PIK3C2A: variants seen among roughly 807,000 people sequenced by gnomAD.
PIK3C2A encodes phosphatidylinositol-4-phosphate 3-kinase catalytic subunit type 2 alpha.
PIK3C2A carries 97 observed loss-of-function variants against 204.5 expected under a neutral mutation model. The ratio of observed to expected loss-of-function variants is 0.47; its 90% CI spans 0.40 to 0.56. PIK3C2A has a LOEUF of 0.56. PIK3C2A is among the 20% of genes least tolerant of loss of function. The pLI, the probability that PIK3C2A is intolerant of heterozygous loss-of-function variation, is 0.00. For synonymous variants in PIK3C2A, 653 were observed against 664.4 expected (o/e 0.98, Z 0.26); for missense variants, 1,735 against 1,969.2 (o/e 0.88, Z 2.25).
chr11:17,095,667 C>T (rs951523214), intron 27 of PIK3C2A, among the ~76,000 whole-genome samples: 2 of 151,670 alleles, frequency 1.3e-5, no homozygotes, highest in Admixed American at 6.6e-5. Flanking sequence ...CCCAGAACTT[C>T]GAGAGGCCGA....
At chr11:17,195,886 A>G (rs1210904453) in intron 1 of PIK3C2A, among the ~76,000 whole-genome samples, 1 of 151,590 alleles carries the variant, frequency 6.6e-6, no homozygotes, top group Non-Finnish European at 1.5e-5. Context: ...AAAAATACAA[A>G]AAATTAGCCA....
chr11:17,152,623 T>C (rs1439436068), intron 3 of PIK3C2A, among the ~76,000 whole-genome samples: 1 of 152,196 alleles, frequency 6.6e-6, no homozygotes, highest in East Asian at 1.9e-4. Flanking sequence ...TATTTAACTC[T>C]AATTTTTTAT....
At chr11:17,167,413 G>A (rs1049764617) in intron 2 of PIK3C2A, among the ~76,000 whole-genome samples, 10 of 151,998 alleles carry the variant, frequency 6.6e-5, no homozygotes, top group African/African-American at 2.2e-4. Flanking sequence ...ACCTGAGGTC[G>A]GGAGTTCGAG....
intron 13 of PIK3C2A, among the ~76,000 whole-genome samples, chr11:17,126,107 G>A (rs539285953): frequency 6.6e-6 from 1 of 152,266 alleles, no homozygotes; most frequent in Middle Eastern, 3.4e-3. Flanking sequence ...CTGAGTGACA[G>A]AGTGAGACTC....
At chr11:17,199,588 A>T (rs1852292695) in intron 1 of PIK3C2A, among the ~76,000 whole-genome samples, 1 of 152,236 alleles carries the variant, frequency 6.6e-6, no homozygotes, top group African/African-American at 2.4e-5. Flanking sequence ...TCAGACACAA[A>T]AGGCTAAATA....
Position 17,110,524 on chromosome 11 carries a change from T to C in PIK3C2A, c.3452A>G (p.Gln1151Arg). The C allele has an allele frequency of 6.2e-7, 1 of 1,610,822 alleles. No homozygotes were observed. Among genetic ancestry groups the C allele is most frequent in the East Asian group, 2.2e-5 (1 of 44,846 alleles). The part of the protein sequence containing the change: ...EDLRQDMLAL[Q>R]MIKIMDKIWL... The stretch of plus-strand genomic sequence containing the variant: ...GATCTTATCCATAATCTTTATCATC[T>C]GTAAAGCTAACATATCTTGCCGAAG... The change falls in exon 22 of 33, where the codon CAG becomes CGG. Residue 1151 changes from glutamine to arginine, a missense_variant. Gln to Arg is a conservative substitution (Grantham distance 43). This residue lies in a region of PIK3C2A where 503 missense variants were observed against 669.0 expected (regional missense o/e 0.75). Coordinates refer to ENST00000691414, the MANE Select transcript of PIK3C2A (RefSeq NM_002645.4).
chr11:17,144,527 T>C (rs981112857), intron 8 of PIK3C2A, among the ~76,000 whole-genome samples: 12 of 152,170 alleles, frequency 7.9e-5, no homozygotes, highest in Non-Finnish European at 1.3e-4. Context: ...AGAATAAACA[T>C]GTTAATTTAA....
At chr11:17,118,603 C>G in intron 18 of PIK3C2A, 42 bp downstream of exon 18, 1 of 879,466 alleles carries the variant, frequency 1.1e-6, no homozygotes, top group East Asian at 2.5e-5. Context: ...TCTATAAATT[C>G]TAGGAATGGA....
chr11:17,143,357 C>T (rs1010832248), intron 8 of PIK3C2A, among the ~76,000 whole-genome samples: 1 of 152,014 alleles, frequency 6.6e-6, no homozygotes, highest in African/African-American at 2.4e-5. Context: ...CTATAAAAAC[C>T]TTTCTAAATA....
chr11:17,202,310 G>C (rs1302687517), intron 1 of PIK3C2A, among the ~76,000 whole-genome samples: 1 of 151,384 alleles, frequency 6.6e-6, no homozygotes, highest in East Asian at 1.9e-4. Flanking sequence ...TACTGGGGTG[G>C]ACGTGGTGGC....
At chr11:17,180,029 G>A (rs976515731) in intron 1 of PIK3C2A, among the ~76,000 whole-genome samples, 1 of 152,150 alleles carries the variant, frequency 6.6e-6, no homozygotes, top group African/African-American at 2.4e-5. Context: ...AAAGATTCAA[G>A]CACATAAACA....
intron 8 of PIK3C2A, among the ~76,000 whole-genome samples, chr11:17,138,599 G>C (rs897139469): frequency 6.6e-6 from 1 of 152,088 alleles, no homozygotes; most frequent in African/African-American, 2.4e-5. Context: ...CTGCTTTTAT[G>C]CACCTCCTAT....
chr11:17,122,474 T>G, intron 14 of PIK3C2A, 141 bp from the exon 15 acceptor site: 1 of 642,318 alleles, frequency 1.6e-6, no homozygotes, highest in Non-Finnish European at 2.7e-6. Flanking sequence ...TTGTTGCAAT[T>G]GATTACCATT....
chr11:17,207,528 G>A (rs1389595448), intron 1 of PIK3C2A, among the ~76,000 whole-genome samples: 1 of 152,126 alleles, frequency 6.6e-6, no homozygotes, highest in Non-Finnish European at 1.5e-5. Context: ...GGCGGCCGGG[G>A]GGCCTGCCCT....
At position 17,194,053 on chromosome 11, in the gene PIK3C2A, T is replaced by C. The variant is rs1250868639; in HGVS notation, c.-66+13795A>G. The C allele has an allele frequency of 2.6e-5, 10 of 390,338 alleles. 1 individual carries two copies. The highest frequency in any genetic ancestry group is 1.4e-4 in the South Asian group (2 of 14,790). 24.2% of individuals were successfully genotyped at this position (390,338 alleles called of 1,614,324 possible). On this transcript the variant is annotated intron_variant, in intron 1 of 32. Transcript: ENST00000691414. ...TTTGGCAGGCCATCAGTCCACGTGG[T>C]GAGGCTATGAAGGCCCTTGTAAAGG...
chr11:17,134,834 C>T lies in PIK3C2A; in HGVS notation c.2093G>A (p.Ser698Asn), dbSNP rs781757551. ...FTIFAAHGIS[S>N]NWVSNYEKYY... ...AGTTACTTACTTTGATACCCAATTA[C>T]TTGAAATTCCATGAGCAGCAAAAAT... The change falls in exon 11 of 33, where the codon AGT (serine) becomes AAT (asparagine). Residue 698 changes from serine (S) to asparagine (N), a missense_variant. Coordinates refer to ENST00000691414, the MANE Select transcript of PIK3C2A (RefSeq NM_002645.4). 5.6e-6 allele frequency: 9 copies of T among 1,613,432 alleles called. No homozygotes were observed. The African/African-American group carries it at 1.1e-4, about 19-fold the overall frequency.
intron 19 of PIK3C2A, among the ~76,000 whole-genome samples, chr11:17,116,604 T>C (rs1277372977): frequency 6.6e-6 from 1 of 152,096 alleles, no homozygotes; most frequent in East Asian, 1.9e-4. Context: ...CTTTTTTTTT[T>C]TTTGAGACAG....
chr11:17,107,452 C>A (rs950211988), intron 22 of PIK3C2A, among the ~76,000 whole-genome samples: 1 of 152,052 alleles, frequency 6.6e-6, no homozygotes, highest in South Asian at 2.1e-4. Flanking sequence ...AGATGGAGAA[C>A]TGTATTTCTG....
rs201660387 is a variant in PIK3C2A at position 17,169,158 on chromosome 11, T to C, written c.584A>G (p.Tyr195Cys). The change falls in exon 2 of 33, where the codon TAT becomes TGT. Residue 195 changes from tyrosine to cysteine, a missense_variant. Physicochemically the swap from Tyr to Cys is radical, Grantham distance 194 (BLOSUM62 -2). Transcript: ENST00000691414. Reference protein sequence around the residue: ...IYLSLPGQSPYFSYPLTPATP... With the variant: ...IYLSLPGQSPCFSYPLTPATP... ...GGCAGGTGTCAAAGGATATGAGAAA[T>C]ATGGAGATTGTCCCGGAAGACTTAA... 29 of 1,613,742 alleles carry C rather than the reference T, an allele frequency of 1.8e-5. No homozygotes were observed. Among genetic ancestry groups the C allele is most frequent in the Non-Finnish European group, 2.3e-5 (27 of 1,179,922 alleles).
Sources: gnomAD v4.1 joint callset for allele counts (sites outside exome capture counted in the v4.1 genomes callset) on GRCh38, gnomAD v4.1.1 for gene constraint, gnomAD v4.1.1 regional missense constraint, MANE v1.5 for transcripts, NCBI Gene and HGNC (gene_info 2026-07-23, HGNC 2026-07-21) for gene names.